The following WDR72 variants were observed in gnomAD, a reference collection of about 807,000 sequenced individuals.
WDR72 encodes WD repeat-containing protein 72.
Under a neutral mutation model 124.2 loss-of-function variants are expected in WDR72, and 120 were observed. The observed-to-expected ratio is 0.97, with a 90% CI of 0.83 to 1.12. The LOEUF (loss-of-function observed/expected upper bound fraction) is 1.12, where lower values mean the gene tolerates loss of function less well. WDR72 is among the 50% of genes most tolerant of loss of function. The pLI is 0.00. For missense variants in WDR72, 1,387 were observed against 1,278.8 expected, an observed-to-expected ratio of 1.08 and a Z score of -1.29; for synonymous variants, 452 against 441.7, an observed-to-expected ratio of 1.02 and a Z score of -0.29.
intron 18 of WDR72, among the ~76,000 whole-genome samples, chr15:53,523,689 A>G (rs1305808759): frequency 1.3e-5 from 2 of 152,066 alleles, no homozygotes; most frequent in Non-Finnish European, 2.9e-5. Flanking sequence ...AGGCTAGTCA[A>G]TTAGAAAGAC....
At chr15:53,683,219 A>G (rs1407157551) in intron 13 of WDR72, among the ~76,000 whole-genome samples, 4 of 152,158 alleles carry the variant, frequency 2.6e-5, no homozygotes, top group African/African-American at 9.7e-5. Flanking sequence ...CACAGAGCCA[A>G]ACCCTATCAG....
intron 17 of WDR72, among the ~76,000 whole-genome samples, chr15:53,605,592 C>A (rs1391732787): frequency 6.6e-6 from 1 of 152,176 alleles, no homozygotes; most frequent in Admixed American, 6.5e-5. Flanking sequence ...TGGTGGTTCA[C>A]ACCTGTAATC....
rs767368116 is a variant in WDR72 at position 53,705,002 on chromosome 15, C to A, written c.1334G>T (p.Gly445Val). Residue 445 changes from glycine (G) to valine (V), a missense_variant, in exon 11 of 20, where the codon GGT (glycine) becomes GTT (valine). Transcript: ENST00000360509. ...NAAKARLLEG[G>V]SLVKDSPPHK... is the part of the protein sequence containing the mutation. ...AATTCAAGGACCTTTTACTAAAGAA[C>A]CACCTTCCAGAAGTCTTGCTTTGGC... 6.2e-7 allele frequency: 1 copy of A among 1,613,786 alleles called. No homozygotes were observed. Among genetic ancestry groups the A allele is most frequent in the South Asian group, 1.1e-5 (1 of 91,028 alleles).
At chr15:53,638,580 CTT>C (rs3081298) in intron 14 of WDR72, among the ~76,000 whole-genome samples, 6,837 of 125,750 alleles carry the variant, frequency 0.054, 128 homozygotes, top group African/African-American at 0.067. Context: ...TAATCACATT[CTT>C]TTTTTTTTTT....
intron 13 of WDR72, among the ~76,000 whole-genome samples, chr15:53,667,983 C>T (rs1424213490): frequency 6.6e-6 from 1 of 152,122 alleles, no homozygotes; most frequent in Non-Finnish European, 1.5e-5. Context: ...ACTATGCTAC[C>T]ATGTACCATC....
chr15:53,520,568 G>C lies in WDR72; in HGVS notation c.3253+2650C>G, dbSNP rs553757048. On this transcript the variant is annotated intron_variant, in intron 19 of 19. Coordinates refer to ENST00000360509, the MANE Select transcript of WDR72 (RefSeq NM_182758.4). ...GCTACTGAAGCACCTCTTCTGGTTC[G>C]AGGACATTTTCCCAAATCTCACCAC... Among the ~76,000 whole-genome samples the C allele has an allele frequency of 3.9e-5, 6 of 152,050 alleles. No homozygotes were observed. In the South Asian group the frequency reaches 1.0e-3, roughly 26 times the overall value.
chr15:53,662,824 G>C (rs545289791), intron 14 of WDR72, among the ~76,000 whole-genome samples: 1 of 152,214 alleles, frequency 6.6e-6, no homozygotes, highest in East Asian at 1.9e-4. Context: ...CAGAGACTCA[G>C]GAGGCTGAGG....
At chr15:53,605,629 G>A (rs964085226) in intron 17 of WDR72, among the ~76,000 whole-genome samples, 2 of 152,072 alleles carry the variant, frequency 1.3e-5, no homozygotes, top group Admixed American at 1.3e-4. Flanking sequence ...CCAAGGCGGG[G>A]GGATCATTTG....
At chr15:53,520,022 T>TATC (rs1309126575) in intron 19 of WDR72, among the ~76,000 whole-genome samples, 3 of 152,150 alleles carry the variant, frequency 2.0e-5, no homozygotes, top group Admixed American at 2.0e-4. Context: ...TTTAAAACTC[T>TATC]ATCAACATCT....
intron 19 of WDR72, among the ~76,000 whole-genome samples, chr15:53,518,607 T>C (rs924919337): frequency 2.6e-5 from 4 of 151,966 alleles, no homozygotes; most frequent in East Asian, 3.9e-4. Flanking sequence ...CCATAAGAAG[T>C]GTGTTCTCAA....
chr15:53,706,621 G>T (rs532939627), intron 9 of WDR72, among the ~76,000 whole-genome samples: 1 of 151,300 alleles, frequency 6.6e-6, no homozygotes, highest in Non-Finnish European at 1.5e-5. Flanking sequence ...CCACTGAGAA[G>T]GCTTAATTTC....
intron 14 of WDR72, chr15:53,652,158 A>T (rs1241049591): frequency 1.3e-5 from 2 of 152,242 alleles, no homozygotes; most frequent in Non-Finnish European, 2.9e-5. Flanking sequence ...AAATGTGGAG[A>T]ATAGAGTCAC....
chr15:53,604,302 C>G (rs758547668), intron 17 of WDR72, among the ~76,000 whole-genome samples: 8 of 152,170 alleles, frequency 5.3e-5, no homozygotes, highest in Non-Finnish European at 8.8e-5. Context: ...AACTGGACCC[C>G]TTCCTTACAC....
intron 14 of WDR72, among the ~76,000 whole-genome samples, chr15:53,658,919 A>G (rs1482466759): frequency 6.6e-6 from 1 of 152,214 alleles, no homozygotes; most frequent in Non-Finnish European, 1.5e-5. Context: ...CAAGAACCCA[A>G]TATTGATTTT....
intron 13 of WDR72, among the ~76,000 whole-genome samples, chr15:53,686,206 A>T (rs986103300): frequency 1.7e-4 from 26 of 150,710 alleles, no homozygotes; most frequent in African/African-American, 6.3e-4. Context: ...ATTCACACAT[A>T]ACAATATTAA....
At chr15:53,668,433 T>C (rs1449168175) in intron 13 of WDR72, among the ~76,000 whole-genome samples, 1 of 152,206 alleles carries the variant, frequency 6.6e-6, no homozygotes, top group Admixed American at 6.5e-5. Context: ...TGACAGTGGA[T>C]GGGTATTCCC....
At chr15:53,732,177 G>A (rs12917263) in intron 2 of WDR72, among the ~76,000 whole-genome samples, 1 of 152,094 alleles carries the variant, frequency 6.6e-6, no homozygotes, top group South Asian at 2.1e-4. Flanking sequence ...TCCTGTAGTA[G>A]AACTGTTCAG....
At chr15:53,537,269 T>G (rs1273522621) in intron 18 of WDR72, among the ~76,000 whole-genome samples, 2 of 152,198 alleles carry the variant, frequency 1.3e-5, no homozygotes, top group African/African-American at 4.8e-5. Flanking sequence ...ATGGTTTAAT[T>G]GAATGACATT....
At chr15:53,614,958 A>T (rs930333301) in intron 15 of WDR72, among the ~76,000 whole-genome samples, 35 of 152,164 alleles carry the variant, frequency 2.3e-4, no homozygotes, top group African/African-American at 8.4e-4. Flanking sequence ...TAAATGGTAA[A>T]ATTTGAGGTA....
Sources: allele counts gnomAD v4.1 joint callset (sites outside exome capture counted in the v4.1 genomes callset), GRCh38; gene constraint gnomAD v4.1.1; transcripts MANE v1.5; gene names NCBI Gene and HGNC (gene_info 2026-07-23, HGNC 2026-07-21).